Variants in LGI1 observed in about 807,000 individuals in gnomAD.
The protein encoded by LGI1 is leucine-rich glioma-inactivated protein 1.
In LGI1, 11 loss-of-function variants were observed where a neutral mutation model predicts 57.7. The ratio of observed to expected loss-of-function variants is 0.19; its 90% CI spans 0.12 to 0.32. The LOEUF is 0.32. Ranked by LOEUF, LGI1 falls within the 10% of genes least tolerant of loss-of-function variation. The pLI is 1.00. For synonymous variants in LGI1, 222 were observed against 241.9 expected (o/e 0.92, Z 0.76); for missense variants, 422 against 661.9 (o/e 0.64, Z 3.98).
At position 93,758,986 on chromosome 10, in the gene LGI1, A is replaced by C. The variant is rs2059595107; in HGVS notation, c.287+155A>C. ...TGAGAGGTAGATGGGTTTGTTTGCG[A>C]CTTCACACCAACAGTGCAGGTTGAT... On this transcript the variant is annotated intron_variant, in intron 2 of 7. Coordinates refer to ENST00000371418, the MANE Select transcript of LGI1 (RefSeq NM_005097.4). This position sits in a 1 kb window ranked among gnomAD's most constrained non-coding sequence, Gnocchi z 4.7. The C allele has an allele frequency of 1.5e-6, 1 of 657,338 alleles. No individual in the cohort carries two copies. Among genetic ancestry groups the C allele is most frequent in the African/African-American group, 1.8e-5 (1 of 55,278 alleles). The allele number at this position is 657,338 out of a possible 1,614,324, so 40.7% of individuals were successfully genotyped here. A position where few individuals can be genotyped will look rare whatever the true frequency, so the allele number is the denominator to read the frequency against.
intron 7 of LGI1, chr10:93,794,301 G>A (rs566310647): frequency 6.7e-6 from 1 of 149,952 alleles, no homozygotes; most frequent in African/African-American, 2.4e-5. Context: ...ACAAGCGTGA[G>A]CCACCGCACC....
rs1416085705 is a variant in LGI1 at position 93,757,995 on chromosome 10, C to T, written c.-150C>T. ...CATTGCTGGAGCGAGGAGAAGCTCA[C>T]GAATCAGCTGCAGGTCTCTGTTTTG... On this transcript the variant is annotated 5_prime_UTR_variant, in exon 1 of 8. The change creates a new upstream start codon in the 5' untranslated region. Coordinates refer to ENST00000371418, the MANE Select transcript of LGI1 (RefSeq NM_005097.4). 2 of 729,350 alleles carry T rather than the reference C, an allele frequency of 2.7e-6. No homozygotes were observed. Among genetic ancestry groups the T allele is most frequent in the Non-Finnish European group, 4.9e-6 (2 of 411,676 alleles). 45.2% of individuals were successfully genotyped at this position (729,350 alleles called of 1,614,324 possible).
At chr10:93,780,054 G>T (rs1589763995) in intron 4 of LGI1, among the ~76,000 whole-genome samples, 1 of 152,190 alleles carries the variant, frequency 6.6e-6, no homozygotes, top group East Asian at 1.9e-4. Context: ...AAGGAGTAGG[G>T]CCTACAAAGA....
intron 2 of LGI1, chr10:93,762,459 A>C (rs2059633937): frequency 6.6e-6 from 1 of 152,206 alleles, no homozygotes; most frequent in Non-Finnish European, 1.5e-5. Flanking sequence ...TCCAGGAAAA[A>C]ATATCCATGG....
At chr10:93,777,790 T>G (rs1378773445) in intron 4 of LGI1, among the ~76,000 whole-genome samples, 173 bp downstream of exon 4, 1 of 152,254 alleles carries the variant, frequency 6.6e-6, no homozygotes, top group African/African-American at 2.4e-5. Flanking sequence ...GGGTGTTCAA[T>G]AAATTGATTA....
intron 4 of LGI1, among the ~76,000 whole-genome samples, chr10:93,785,729 G>T (rs1249911801): frequency 1.2e-4 from 2 of 17,346 alleles, no homozygotes; most frequent in Non-Finnish European, 6.3e-3. Flanking sequence ...CAGGTATTTT[G>T]CTTTCTGGTA....
In LGI1 at chr10:93,764,941, C is replaced by A. The variant is rs188944080; in HGVS notation, c.287+6110C>A. On this transcript the variant is annotated intron_variant, in intron 2 of 7. Transcript: ENST00000371418. ...TCCCCAGCAGAACTTGCTGAGAAAT[C>A]TTTTCTTTAAATACTTCTTACAGGA... 12 of 152,276 alleles carry A rather than the reference C, an allele frequency of 7.9e-5. No individual in the cohort carries two copies. The East Asian group carries it at 2.3e-3, about 29-fold the overall frequency. The allele number at this position is 152,276 out of a possible 1,614,324, so 9.4% of individuals were successfully genotyped here. A position where few individuals can be genotyped will look rare whatever the true frequency, so the allele number is the denominator to read the frequency against.
At chr10:93,796,752 A>G (rs2059983328) in intron 7 of LGI1, among the ~76,000 whole-genome samples, 1 of 152,126 alleles carries the variant, frequency 6.6e-6, no homozygotes, top group South Asian at 2.1e-4. Flanking sequence ...GACATTAACA[A>G]CTCAATTGTT....
intron 2 of LGI1, among the ~76,000 whole-genome samples, chr10:93,773,080 A>C (rs1478825569): frequency 6.6e-6 from 1 of 150,892 alleles, no homozygotes; most frequent in Non-Finnish European, 1.5e-5. Flanking sequence ...ACTTTGTCAA[A>C]AAAAGAAACA....
chr10:93,777,698 T>C, intron 4 of LGI1, 81 bp downstream of exon 4: 1 of 1,072,258 alleles, frequency 9.3e-7, no homozygotes, highest in Non-Finnish European at 1.4e-6. Flanking sequence ...TGCACCTACT[T>C]TATGAGTGTC....
Position 93,797,558 on chromosome 10 carries a change from A to G in LGI1, c.1429A>G (p.Met477Val), listed in dbSNP as rs1235660895. 2 of 1,614,202 alleles carry G rather than the reference A, an allele frequency of 1.2e-6. No homozygotes were observed. The highest frequency in any genetic ancestry group is 1.6e-4 in the Middle Eastern group (1 of 6,062). Reference sequence around the variant, plus strand: ...TCAGAGGATGCCATCGCGAGGATCCATGGTGTTCCAGCCTCTTCAAATAAA... The same window carrying G: ...TCAGAGGATGCCATCGCGAGGATCCGTGGTGTTCCAGCCTCTTCAAATAAA... ...DIQRMPSRGS[M>V]VFQPLQINNY... The change falls in exon 8 of 8, where the codon ATG becomes GTG. Residue 477 changes from methionine (M) to valine (V), a missense_variant. By Grantham distance (21) the Met-to-Val change is conservative. This residue lies in a region of LGI1 where 301 missense variants were observed against 461.7 expected (regional missense o/e 0.65). Coordinates refer to ENST00000371418, the MANE Select transcript of LGI1 (RefSeq NM_005097.4). This position sits in a 1 kb window ranked among gnomAD's most constrained non-coding sequence, Gnocchi z 6.5.
At chr10:93,792,991 T>C in intron 6 of LGI1, 79 bp downstream of exon 6, 1 of 1,432,202 alleles carries the variant, frequency 7.0e-7, no homozygotes. Flanking sequence ...GAACTGATAT[T>C]TTTTATATCT....
At chr10:93,782,397 G>A (rs533646683) in intron 4 of LGI1, among the ~76,000 whole-genome samples, 1 of 152,328 alleles carries the variant, frequency 6.6e-6, no homozygotes, top group Non-Finnish European at 1.5e-5. Flanking sequence ...GCCCAAGGTT[G>A]TCTTGAGATT....
intron 2 of LGI1, among the ~76,000 whole-genome samples, chr10:93,773,756 C>T (rs2059764096): frequency 6.6e-6 from 1 of 152,124 alleles, no homozygotes. Flanking sequence ...CTGTGTCCAC[C>T]TCCACCAAAA....
intron 2 of LGI1, among the ~76,000 whole-genome samples, chr10:93,766,535 C>T (rs1235276575): frequency 6.6e-3 from 13 of 1,978 alleles, no homozygotes; most frequent in Admixed American, 0.023. Flanking sequence ...GACGGAGTCT[C>T]GCTCTGTCCC....
At chr10:93,779,856 G>A (rs1000758020) in intron 4 of LGI1, among the ~76,000 whole-genome samples, 1 of 152,216 alleles carries the variant, frequency 6.6e-6, no homozygotes, top group African/African-American at 2.4e-5. Context: ...GTAGGAAGGT[G>A]TTATGAGGGA....
In LGI1 at chr10:93,793,061, G is replaced by A. The variant is rs1006409288; in HGVS notation, c.674-125G>A. The stretch of plus-strand genomic sequence containing the variant: ...TTATGAACCATTGACAATGCTTCAT[G>A]TGTTTAAAAGTAAAATGGCCATTTT... On this transcript the variant is annotated intron_variant, in intron 6 of 7. Transcript: ENST00000371418. 5 of 1,121,222 alleles carry A rather than the reference G, an allele frequency of 4.5e-6. No homozygotes were observed. In the African/African-American group the frequency reaches 8.0e-5, roughly 18 times the overall value. 69.5% of individuals were successfully genotyped at this position (1,121,222 alleles called of 1,614,324 possible).
At chr10:93,785,483 A>G (rs895074634) in intron 4 of LGI1, among the ~76,000 whole-genome samples, 7 of 152,220 alleles carry the variant, frequency 4.6e-5, no homozygotes, top group Non-Finnish European at 7.3e-5. Context: ...CTAAGGACAC[A>G]TTCCTAAGAG....
At chr10:93,768,381 G>A (rs1025976905) in intron 2 of LGI1, 40 of 152,070 alleles carry the variant, frequency 2.6e-4, no homozygotes, top group African/African-American at 9.4e-4. Flanking sequence ...CCCTCACCTC[G>A]GTTTTCTTTA....
Sources: allele counts gnomAD v4.1 joint callset (sites outside exome capture counted in the v4.1 genomes callset), GRCh38; gene constraint gnomAD v4.1.1; regional missense constraint gnomAD v4.1.1; non-coding constraint Gnocchi (gnomAD v3.1); transcripts MANE v1.5; gene names NCBI Gene and HGNC (gene_info 2026-07-23, HGNC 2026-07-21).